MIPOL1: variants seen among roughly 807,000 people sequenced by gnomAD.
MIPOL1 encodes the protein mirror-image polydactyly 1.
Under a neutral mutation model 60.9 loss-of-function variants are expected in MIPOL1, and 57 were observed. The observed-to-expected ratio is 0.94, with a 90% CI of 0.76 to 1.17. The LOEUF (loss-of-function observed/expected upper bound fraction) is 1.17, where lower values mean the gene tolerates loss of function less well. MIPOL1 is among the 50% of genes most tolerant of loss of function. The pLI, the probability that MIPOL1 is intolerant of heterozygous loss-of-function variation, is 0.00. For synonymous variants in MIPOL1, 179 were observed against 168.8 expected (o/e 1.06, Z -0.47); for missense variants, 551 against 511.6 (o/e 1.08, Z -0.74).
At chr14:37,474,475 TA>T (rs2094737952) in intron 11 of MIPOL1, among the ~76,000 whole-genome samples, 1 of 152,188 alleles carries the variant, frequency 6.6e-6, no homozygotes, top group Non-Finnish European at 1.5e-5. Context: ...CTAATGGTTT[TA>T]TAAAGGGCAG....
At chr14:37,248,511 C>A (rs955533149) in intron 3 of MIPOL1, among the ~76,000 whole-genome samples, 1 of 151,764 alleles carries the variant, frequency 6.6e-6, no homozygotes. Flanking sequence ...CACAGGCATG[C>A]GGACAGATAC....
intron 11 of MIPOL1, among the ~76,000 whole-genome samples, chr14:37,495,978 T>A (rs898826088): frequency 6.7e-6 from 1 of 149,100 alleles, no homozygotes; most frequent in Admixed American, 6.7e-5. Context: ...TGGGGTTGTT[T>A]GTTTTTTTCT....
intron 11 of MIPOL1, among the ~76,000 whole-genome samples, chr14:37,431,652 C>T (rs1228009886): frequency 7.7e-6 from 1 of 130,324 alleles, no homozygotes; most frequent in African/African-American, 2.8e-5. Context: ...GATCTCAGCT[C>T]ACTGCAAGCT....
chr14:37,200,423 G>C (rs1965041983), intron 1 of MIPOL1, among the ~76,000 whole-genome samples: 1 of 152,182 alleles, frequency 6.6e-6, no homozygotes, highest in African/African-American at 2.4e-5. Context: ...GGTATCACCA[G>C]ACCACAAGTT....
chr14:37,460,439 C>A (rs1594471992), intron 11 of MIPOL1, among the ~76,000 whole-genome samples: 2 of 152,160 alleles, frequency 1.3e-5, no homozygotes, highest in South Asian at 2.1e-4. Flanking sequence ...AAAGCATTTC[C>A]CCTAAGAACC....
chr14:37,379,724 C>T (rs1326085127), intron 10 of MIPOL1, among the ~76,000 whole-genome samples: 1 of 151,934 alleles, frequency 6.6e-6, no homozygotes, highest in East Asian at 1.9e-4. Context: ...GTAGTGGAAG[C>T]CTTGACTCTT....
At chr14:37,279,636 CAAA>C in intron 6 of MIPOL1, among the ~76,000 whole-genome samples, 1 of 151,866 alleles carries the variant, frequency 6.6e-6, no homozygotes, top group South Asian at 2.1e-4. Context: ...TTTTAATTGA[CAAA>C]TAATAATCGT....
At position 37,550,885 on chromosome 14, in the gene MIPOL1, C is replaced by T. The variant is rs530949371; in HGVS notation, c.*3914C>T. The T allele has an allele frequency of 7.9e-5, 12 of 152,180 alleles. No individual in the cohort carries two copies. Among genetic ancestry groups the T allele is most frequent in the South Asian group, 2.1e-4 (1 of 4,820 alleles). The allele number at this position is 152,180 out of a possible 1,614,324, so 9.4% of individuals were successfully genotyped here. A position where few individuals can be genotyped will look rare whatever the true frequency, so the allele number is the denominator to read the frequency against. ...TGAAGAGTTTTTCTTGTGCTTGCTT[C>T]GGCAGCATATATACTGAAATTAGAA... On this transcript the variant is annotated 3_prime_UTR_variant, in exon 13 of 13. Transcript: ENST00000684589.
At chr14:37,522,398 A>G (rs1308244603) in intron 12 of MIPOL1, among the ~76,000 whole-genome samples, 1 of 152,194 alleles carries the variant, frequency 6.6e-6, no homozygotes, top group Non-Finnish European at 1.5e-5. Context: ...TGTACAACTT[A>G]AAAACCTAAT....
intron 11 of MIPOL1, among the ~76,000 whole-genome samples, chr14:37,476,288 G>A (rs1345355398): frequency 6.6e-6 from 1 of 151,788 alleles, no homozygotes; most frequent in Non-Finnish European, 1.5e-5. Flanking sequence ...TGTTTTATTT[G>A]TTTGTTTGGT....
chr14:37,354,270 G>A (rs1331860269), intron 9 of MIPOL1, among the ~76,000 whole-genome samples: 1 of 150,104 alleles, frequency 6.7e-6, no homozygotes, highest in Non-Finnish European at 1.5e-5. Context: ...TGGTCTGAGA[G>A]ATAGTTTGTT....
rs2095551471 is a variant in MIPOL1, at chr14:37,547,603, A to G, written c.*632A>G. ...TTCATCAAGGCATGATTTTTGTTTC[A>G]CTACAAATAATGCAAACTGTTTTCA... On this transcript the variant is annotated 3_prime_UTR_variant, in exon 13 of 13. Transcript: ENST00000684589. 1 of 152,596 alleles carries G rather than the reference A, an allele frequency of 6.6e-6. No homozygotes were observed. Among genetic ancestry groups the G allele is most frequent in the Non-Finnish European group, 1.5e-5 (1 of 68,018 alleles). The allele number at this position is 152,596 out of a possible 1,614,324, so 9.5% of individuals were successfully genotyped here. A position where few individuals can be genotyped will look rare whatever the true frequency, so the allele number is the denominator to read the frequency against.
intron 9 of MIPOL1, among the ~76,000 whole-genome samples, chr14:37,314,948 A>C (rs1201193588): frequency 6.6e-6 from 1 of 152,222 alleles, no homozygotes; most frequent in African/African-American, 2.4e-5. Context: ...GGAACTCAGC[A>C]ATAATCCAGA....
In MIPOL1 at chr14:37,382,462, T is replaced by G. The variant is rs183188542; in HGVS notation, c.936+12838T>G. Among the ~76,000 whole-genome samples, 44 of 152,204 alleles carry G rather than the reference T, an allele frequency of 2.9e-4. 1 individual carries two copies. Among genetic ancestry groups the G allele is most frequent in the Admixed American group, 2.3e-3 (35 of 15,264 alleles). ...AAGTAGTTGAGACTTTCATTAGAGATTACATAAAATTCTCAGTAAAAGTAA... is the reference window on the plus strand; with the variant it reads ...AAGTAGTTGAGACTTTCATTAGAGAGTACATAAAATTCTCAGTAAAAGTAA... On this transcript the variant is annotated intron_variant, in intron 10 of 12. Coordinates refer to ENST00000684589, the MANE Select transcript of MIPOL1 (RefSeq NM_001388067.1).
At chr14:37,440,071 T>C (rs2094217981) in intron 11 of MIPOL1, among the ~76,000 whole-genome samples, 1 of 152,148 alleles carries the variant, frequency 6.6e-6, no homozygotes, top group Non-Finnish European at 1.5e-5. Context: ...GGTCTTGAAC[T>C]CCTGGGCTCA....
chr14:37,222,542 G>C (rs1282491798), intron 1 of MIPOL1, among the ~76,000 whole-genome samples: 1 of 151,956 alleles, frequency 6.6e-6, no homozygotes. Context: ...CTTCCATAAA[G>C]CCTTTTGGGC....
intron 7 of MIPOL1, among the ~76,000 whole-genome samples, chr14:37,299,453 TAAAA>T (rs1408233588): frequency 3.0e-5 from 1 of 33,556 alleles, no homozygotes; most frequent in African/African-American, 6.0e-5. Flanking sequence ...AAAAAAAAAT[TAAAA>T]AAATAAAAAT....
chr14:37,247,989 C>A, intron 3 of MIPOL1, 82 bp downstream of exon 3: 2 of 1,431,504 alleles, frequency 1.4e-6, no homozygotes, highest in South Asian at 1.2e-5. Flanking sequence ...TTGTTCTAAC[C>A]AATATATTAG....
chr14:37,508,211 T>C (rs2095297111), intron 12 of MIPOL1, among the ~76,000 whole-genome samples: 1 of 152,196 alleles, frequency 6.6e-6, no homozygotes, highest in Non-Finnish European at 1.5e-5. Context: ...CCAGGGAATT[T>C]AAAATTTAAA....
Sources: allele counts gnomAD v4.1 joint callset (sites outside exome capture counted in the v4.1 genomes callset), GRCh38; gene constraint gnomAD v4.1.1; transcripts MANE v1.5; gene names NCBI Gene and HGNC (gene_info 2026-07-23, HGNC 2026-07-21).